ACOT7: variants seen among roughly 807,000 people sequenced by gnomAD.
ACOT7 encodes cytosolic acyl coenzyme A thioester hydrolase.
ACOT7 carries 12 observed loss-of-function variants against 40.2 expected under a neutral mutation model. That is an observed-to-expected ratio of 0.30 (90% CI 0.19 to 0.48). The LOEUF is 0.48. Ranked by LOEUF, ACOT7 falls within the 20% of genes least tolerant of loss-of-function variation. The probability of loss-of-function intolerance (pLI) is 0.99; values close to 1 mark genes in which losing one functional copy is unlikely to be tolerated. For synonymous variants in ACOT7, 228 were observed against 219.5 expected, an observed-to-expected ratio of 1.04 and a Z score of -0.34; for missense variants, 395 against 530.8, an observed-to-expected ratio of 0.74 and a Z score of 2.51.
intron 1 of ACOT7, among the ~76,000 whole-genome samples, chr1:6,383,671 G>C (rs1642390254): frequency 6.6e-6 from 1 of 151,146 alleles, no homozygotes; most frequent in African/African-American, 2.4e-5. Context: ...GAGTGGTTGA[G>C]ACTACAGGCA....
At chr1:6,360,464 T>G in intron 1 of ACOT7, 1 of 1,472,502 alleles carries the variant, frequency 6.8e-7, no homozygotes, top group Admixed American at 1.8e-5. Flanking sequence ...GCCAGGGTCT[T>G]GAAGCCACAG....
rs987449606 is a variant in ACOT7 at position 6,306,840 on chromosome 1, A to T, written c.712+11652T>A. 11 of 1,288,998 alleles carry T rather than the reference A, an allele frequency of 8.5e-6. No homozygotes were observed. Among genetic ancestry groups the T allele is most frequent in the Non-Finnish European group, 1.1e-5 (11 of 988,672 alleles). The allele number at this position is 1,288,998 out of a possible 1,614,324, so 79.8% of individuals were successfully genotyped here. On this transcript the variant is annotated intron_variant, in intron 6 of 8. Transcript: ENST00000361521. This position sits in a 1 kb window ranked among gnomAD's most constrained non-coding sequence, Gnocchi z 4.3. ...CAAGGTCACGGAATTGGAAAAGAGT[A>T]ACTGTGCCCTCTTTTGCATTTTTCA...
chr1:6,335,644 C>T (rs552968632), intron 3 of ACOT7, among the ~76,000 whole-genome samples: 104 of 152,314 alleles, frequency 6.8e-4, no homozygotes, highest in African/African-American at 2.1e-3. Context: ...CCACCAGTTA[C>T]CTGAACCTGC....
At chr1:6,334,949 G>A (rs1641058232) in intron 3 of ACOT7, among the ~76,000 whole-genome samples, 1 of 152,198 alleles carries the variant, frequency 6.6e-6, no homozygotes, top group Non-Finnish European at 1.5e-5. Context: ...ACTCTGGGAG[G>A]CTGAGGTGGG....
Position 6,269,298 on chromosome 1 carries a change from C to T in ACOT7, c.1015-4603G>A, listed in dbSNP as rs1049568296. ...AGTGAGGAAGGCGATGGACCTGCAGCGTGTCCACGATGAACCAGGGTCAGG... is the reference window on the plus strand; with the variant it reads ...AGTGAGGAAGGCGATGGACCTGCAGTGTGTCCACGATGAACCAGGGTCAGG... On this transcript the variant is annotated intron_variant, in intron 8 of 8. Transcript: ENST00000361521. Among the ~76,000 whole-genome samples the T allele has an allele frequency of 5.9e-5, 9 of 152,312 alleles. No homozygotes were observed. In the South Asian group the frequency reaches 6.2e-4, roughly 11 times the overall value.
intron 6 of ACOT7, among the ~76,000 whole-genome samples, chr1:6,312,033 G>A (rs1640345785): frequency 6.6e-6 from 1 of 152,176 alleles, no homozygotes; most frequent in Non-Finnish European, 1.5e-5. Flanking sequence ...ATCACCTCAA[G>A]TGGAGGAGAC....
intron 5 of ACOT7, among the ~76,000 whole-genome samples, chr1:6,325,656 ATG>A (rs1640777278): frequency 6.6e-6 from 1 of 152,152 alleles, no homozygotes; most frequent in African/African-American, 2.4e-5. Context: ...AGAGACACAC[ATG>A]TGAGACCAAA....
rs573076438 is a variant in ACOT7 at position 6,338,476 on chromosome 1, T to C, written c.418+957A>G. On this transcript the variant is annotated intron_variant, in intron 3 of 8. Transcript: ENST00000361521. The surrounding 1 kb of genome is among the most constrained non-coding windows in gnomAD (Gnocchi z 4.4). ...TGCCTGCTGAGGGAGCAGCAGGCAA[T>C]GGGAACGCAGACCACCTTCCACCCC... 2.0e-3 allele frequency among the ~76,000 whole-genome samples: 310 copies of C among 152,244 alleles called. 1 individual carries two copies. The highest frequency in any genetic ancestry group is 3.5e-3 in the Non-Finnish European group (237 of 68,008).
chr1:6,300,267 G>C (rs1413520907), intron 6 of ACOT7, among the ~76,000 whole-genome samples: 1 of 152,166 alleles, frequency 6.6e-6, no homozygotes, highest in Non-Finnish European at 1.5e-5. Context: ...ACAGCACATG[G>C]ACACAGGGTC....
intron 5 of ACOT7, among the ~76,000 whole-genome samples, chr1:6,319,897 T>C (rs6702690): frequency 0.18 from 28,028 of 152,164 alleles, 5,296 homozygotes; most frequent in African/African-American, 0.48. Flanking sequence ...GTGAACATGG[T>C]CAGGCCAGGG....
At chr1:6,365,262 T>G (rs1433386950) in intron 1 of ACOT7, among the ~76,000 whole-genome samples, 2 of 152,048 alleles carry the variant, frequency 1.3e-5, no homozygotes, top group Non-Finnish European at 2.9e-5. Flanking sequence ...ACAGTCTCGG[T>G]CTTGATTGTG....
chr1:6,387,289 G>C (rs1332317599), intron 1 of ACOT7, among the ~76,000 whole-genome samples: 1 of 151,828 alleles, frequency 6.6e-6, no homozygotes, highest in Non-Finnish European at 1.5e-5. Context: ...AAATATTCTT[G>C]TGTATGCATT....
At chr1:6,303,645 C>T (rs1418389534) in intron 6 of ACOT7, among the ~76,000 whole-genome samples, 1 of 152,168 alleles carries the variant, frequency 6.6e-6, no homozygotes, top group Non-Finnish European at 1.5e-5. Context: ...GGGCGCCGGC[C>T]TCCTATATTA....
intron 1 of ACOT7, among the ~76,000 whole-genome samples, chr1:6,368,015 G>A (rs1457646770): frequency 6.6e-6 from 1 of 152,166 alleles, no homozygotes; most frequent in Non-Finnish European, 1.5e-5. Context: ...TCTGTCCTCT[G>A]CTCTAGTCTG....
Position 6,264,712 on chromosome 1 carries a change from G to T in ACOT7, c.1015-17C>A, listed in dbSNP as rs771262821. 1.2e-6 allele frequency: 2 copies of T among 1,611,274 alleles called. No individual in the cohort carries two copies. Among genetic ancestry groups the T allele is most frequent in the Non-Finnish European group, 1.7e-6 (2 of 1,178,958 alleles). On this transcript the variant is annotated splice_polypyrimidine_tract_variant and intron_variant, in intron 8 of 8. Coordinates refer to ENST00000361521, the MANE Select transcript of ACOT7 (RefSeq NM_007274.4). The stretch of plus-strand genomic sequence containing the variant: ...GGTCTCGGGCTGTGGACCACACACA[G>T]AGACAGGCAGGTTAGGGTCACTGCA...
At chr1:6,326,041 A>G (rs1253759417) in intron 5 of ACOT7, among the ~76,000 whole-genome samples, 2 of 152,198 alleles carry the variant, frequency 1.3e-5, no homozygotes, top group African/African-American at 4.8e-5. Flanking sequence ...CACCATGACC[A>G]GGGTCTCCCA....
At chr1:6,310,550 G>A (rs1179791199) in intron 6 of ACOT7, among the ~76,000 whole-genome samples, 3 of 152,210 alleles carry the variant, frequency 2.0e-5, no homozygotes, top group African/African-American at 7.2e-5. Context: ...TGGACATAGG[G>A]ACACGGTTGC....
intron 1 of ACOT7, among the ~76,000 whole-genome samples, chr1:6,381,502 G>T (rs982709771): frequency 6.6e-6 from 1 of 151,398 alleles, no homozygotes; most frequent in Non-Finnish European, 1.5e-5. Context: ...CACCCATTAG[G>T]ATGGCAACTA....
intron 3 of ACOT7, among the ~76,000 whole-genome samples, chr1:6,336,970 T>C (rs1641124014): frequency 1.3e-5 from 2 of 152,202 alleles, no homozygotes; most frequent in African/African-American, 4.8e-5. Context: ...AGCTACAGCC[T>C]TGGGGCTCCA....
Sources: allele counts gnomAD v4.1 joint callset (sites outside exome capture counted in the v4.1 genomes callset), GRCh38; gene constraint gnomAD v4.1.1; non-coding constraint Gnocchi (gnomAD v3.1); transcripts MANE v1.5; gene names NCBI Gene and HGNC (gene_info 2026-07-23, HGNC 2026-07-21).